SNX25: variants seen among roughly 807,000 people sequenced by gnomAD.
SNX25 encodes sorting nexin 25.
Under a neutral mutation model 113.7 loss-of-function variants are expected in SNX25, and 62 were observed. The ratio of observed to expected loss-of-function variants is 0.55; its 90% CI spans 0.44 to 0.67. The LOEUF (loss-of-function observed/expected upper bound fraction) is 0.67. SNX25 is among the 30% of genes least tolerant of loss of function. The pLI is 0.00. For synonymous variants in SNX25, 421 were observed against 436.2 expected (o/e 0.97, Z 0.43); for missense variants, 1,014 against 1,161.0 (o/e 0.87, Z 1.84).
intron 3 of SNX25, among the ~76,000 whole-genome samples, chr4:185,260,282 T>G (rs1047533128): frequency 6.6e-6 from 1 of 152,216 alleles, no homozygotes; most frequent in African/African-American, 2.4e-5. Flanking sequence ...GTTCTCCGAC[T>G]TTTTGTTCCC....
chr4:185,249,052 C>G (rs973692814), intron 2 of SNX25, among the ~76,000 whole-genome samples: 1 of 152,178 alleles, frequency 6.6e-6, no homozygotes, highest in African/African-American at 2.4e-5. Flanking sequence ...TATGTTTACC[C>G]TTTCTCCTGT....
At chr4:185,207,821 C>T (rs1223679581), upstream of SNX25, 1 of 152,072 alleles carries the variant, frequency 6.6e-6, no homozygotes, top group East Asian at 1.9e-4. Context: ...TATGTTTGGT[C>T]CTTAGAATAG....
At chr4:185,278,769 T>C (rs1022915720) in intron 5 of SNX25, among the ~76,000 whole-genome samples, 1 of 152,180 alleles carries the variant, frequency 6.6e-6, no homozygotes, top group South Asian at 2.1e-4. Flanking sequence ...ATAAAAAAGC[T>C]TAATGTAAGA....
chr4:185,237,596 G>A (rs549916582), intron 1 of SNX25, among the ~76,000 whole-genome samples: 8 of 152,208 alleles, frequency 5.3e-5, no homozygotes, highest in African/African-American at 1.4e-4. Flanking sequence ...TCTGGTGGGC[G>A]CTCTAAGAGC....
rs192814082 is a variant in SNX25, at chr4:185,342,660, G to A, written c.2187+544G>A. Among the ~76,000 whole-genome samples, 823 of 130,546 alleles carry A rather than the reference G, an allele frequency of 6.3e-3. 2 individuals are homozygous for A. The highest frequency in any genetic ancestry group is 0.014 in the Middle Eastern group (3 of 218). The allele number at this position is 130,546 out of a possible 152,430, so 85.6% of individuals were successfully genotyped here. Reference sequence around the variant, plus strand: ...TAAGGCGCGGTGCTTGGAGGATTCTGTCACATACACAAGGGAGGCATTAAG... The same window carrying A: ...TAAGGCGCGGTGCTTGGAGGATTCTATCACATACACAAGGGAGGCATTAAG... On this transcript the variant is annotated intron_variant, in intron 12 of 18. Transcript: ENST00000652585.
intron 15 of SNX25, among the ~76,000 whole-genome samples, chr4:185,354,865 C>G (rs994431340): frequency 2.0e-5 from 3 of 152,214 alleles, no homozygotes; most frequent in Non-Finnish European, 4.4e-5. Flanking sequence ...GCACACCTGA[C>G]CACCTCGAAG....
At chr4:185,317,877 A>G (rs1210307024) in intron 7 of SNX25, among the ~76,000 whole-genome samples, 4 of 152,158 alleles carry the variant, frequency 2.6e-5, no homozygotes, top group Non-Finnish European at 4.4e-5. Context: ...AAGTGCAGCA[A>G]ACCACCATGG....
chr4:185,268,085 C>T (rs939585367), intron 5 of SNX25, among the ~76,000 whole-genome samples: 2 of 152,090 alleles, frequency 1.3e-5, no homozygotes, highest in Non-Finnish European at 2.9e-5. Flanking sequence ...GCAGTTCAAA[C>T]CTATGTTTTT....
At chr4:185,349,086 C>T (rs1025600805) in intron 13 of SNX25, among the ~76,000 whole-genome samples, 2 of 152,038 alleles carry the variant, frequency 1.3e-5, no homozygotes, top group African/African-American at 2.4e-5. Context: ...TCGGGGGGTT[C>T]GATCTTTTGG....
intron 1 of SNX25, among the ~76,000 whole-genome samples, chr4:185,221,467 TTTC>T (rs1477241952): frequency 6.6e-6 from 1 of 152,118 alleles, no homozygotes; most frequent in East Asian, 1.9e-4. Flanking sequence ...CCTGCCCTTA[TTTC>T]TTGAGTATCT....
At chr4:185,243,336 A>G (rs1333028362) in intron 1 of SNX25, among the ~76,000 whole-genome samples, 2 of 152,172 alleles carry the variant, frequency 1.3e-5, no homozygotes, top group African/African-American at 4.8e-5. Context: ...TCTGCTAGGC[A>G]TGGTGACTCA....
chr4:185,361,639 G>A (rs1336420510), intron 16 of SNX25, among the ~76,000 whole-genome samples: 1 of 152,128 alleles, frequency 6.6e-6, no homozygotes, highest in Admixed American at 6.5e-5. Context: ...TCGGGAAGCT[G>A]AGGCAGGAGA....
intron 2 of SNX25, among the ~76,000 whole-genome samples, chr4:185,253,848 A>G (rs1338841969): frequency 6.6e-6 from 1 of 152,240 alleles, no homozygotes; most frequent in Admixed American, 6.5e-5. Context: ...AGTGGTAAAT[A>G]TGCCCATAAG....
chr4:185,306,934 A>G (rs1754549329), intron 6 of SNX25, among the ~76,000 whole-genome samples: 1 of 152,162 alleles, frequency 6.6e-6, no homozygotes, highest in Admixed American at 6.5e-5. Context: ...TTCTTTAGGC[A>G]GGTCCTGACT....
intron 9 of SNX25, among the ~76,000 whole-genome samples, chr4:185,329,956 C>A (rs2095182793): frequency 6.6e-6 from 1 of 152,120 alleles, no homozygotes; most frequent in Non-Finnish European, 1.5e-5. Context: ...CTGCCCACTG[C>A]TTCCTGGGTT....
At chr4:185,261,114 CTGTGTGTGTGTGTGTGTGTGTGTG>C (rs369434936) in intron 3 of SNX25, among the ~76,000 whole-genome samples, 1 of 141,658 alleles carries the variant, frequency 7.1e-6, no homozygotes, top group African/African-American at 2.7e-5. Context: ...CTGTCTGTCT[CTGTGTGTGTGTGTGTGTGTGTGTG>C]TGTGTGTGTG....
chr4:185,326,978 T>A (rs1220130747), intron 9 of SNX25, among the ~76,000 whole-genome samples: 1 of 152,242 alleles, frequency 6.6e-6, no homozygotes, highest in Non-Finnish European at 1.5e-5. Context: ...TGGAATTTCC[T>A]TTACAATTAA....
At position 185,210,301 on chromosome 4, in the gene SNX25, C is replaced by T; in HGVS notation, c.429+46C>T. 1 of 984,704 alleles carries T rather than the reference C, an allele frequency of 1.0e-6. No homozygotes were observed. The highest frequency in any genetic ancestry group is 1.2e-6 in the Non-Finnish European group (1 of 829,760). 61.0% of individuals were successfully genotyped at this position (984,704 alleles called of 1,614,324 possible). A position where few individuals can be genotyped will look rare whatever the true frequency, so the allele number is the denominator to read the frequency against. ...CGCCCAGCTCCGCCGGCCCTCCCCG[C>T]TTCCGGTGCCAGCTCCCGCGCCCCG... On this transcript the variant is annotated intron_variant, in intron 1 of 18. Coordinates refer to ENST00000652585, the MANE Select transcript of SNX25 (RefSeq NM_001378034.2). This position sits in a 1 kb window ranked among gnomAD's most constrained non-coding sequence, Gnocchi z 4.4.
chr4:185,300,479 T>C (rs553359188), intron 6 of SNX25, among the ~76,000 whole-genome samples: 1 of 152,030 alleles, frequency 6.6e-6, no homozygotes, highest in Non-Finnish European at 1.5e-5. Context: ...CGAATTCTTT[T>C]TTTAATGATG....
Sources: allele counts gnomAD v4.1 joint callset (sites outside exome capture counted in the v4.1 genomes callset), GRCh38; gene constraint gnomAD v4.1.1; non-coding constraint Gnocchi (gnomAD v3.1); transcripts MANE v1.5; gene names NCBI Gene and HGNC (gene_info 2026-07-23, HGNC 2026-07-21).